ATP6V0D2: variants seen among roughly 807,000 people sequenced by gnomAD.
ATP6V0D2 encodes the protein ATPase H+ transporting V0 subunit d2.
In ATP6V0D2, 40 loss-of-function variants were observed where a neutral mutation model predicts 40.0. The ratio of observed to expected loss-of-function variants is 1.00; its 90% CI spans 0.78 to 1.30. The LOEUF (loss-of-function observed/expected upper bound fraction) is 1.30, where lower values mean the gene tolerates loss of function less well. Among genes scored for constraint, ATP6V0D2 ranks in the 50% most tolerant of loss-of-function variants. ATP6V0D2 has a pLI of 0.00. For missense variants in ATP6V0D2, 470 were observed against 423.1 expected (o/e 1.11, Z -0.97); for synonymous variants, 179 against 156.3 (o/e 1.15, Z -1.08).
Position 86,152,921 on chromosome 8 carries a change from G to C in ATP6V0D2, c.997G>C (p.Glu333Gln). The change falls in exon 8 of 8, where the codon GAA (glutamate) becomes CAA (glutamine). Residue 333 changes from glutamate (E) to glutamine (Q), a missense_variant. Coordinates refer to ENST00000285393, the MANE Select transcript of ATP6V0D2 (RefSeq NM_152565.1). The stretch of plus-strand genomic sequence containing the variant: ...AATTAGAAATATTGTGTGGATAGCA[G>C]AATGTATTTCACAGAGGCATCGAAC... ...QEIRNIVWIA[E>Q]CISQRHRTKI... The C allele has an allele frequency of 6.2e-7, 1 of 1,612,116 alleles. No homozygotes were observed. The highest frequency in any genetic ancestry group is 8.5e-7 in the Non-Finnish European group (1 of 1,179,180).
intron 5 of ATP6V0D2, among the ~76,000 whole-genome samples, chr8:86,143,502 C>A (rs1278756123): frequency 6.6e-6 from 1 of 152,166 alleles, no homozygotes; most frequent in Non-Finnish European, 1.5e-5. Flanking sequence ...TTATTCATGT[C>A]TCCCCTTTTT....
intron 2 of ATP6V0D2, among the ~76,000 whole-genome samples, chr8:86,120,170 G>A (rs556737277): frequency 5.9e-4 from 90 of 152,304 alleles, no homozygotes; most frequent in Admixed American, 1.4e-3. Flanking sequence ...GGCCAAGGTG[G>A]AAGGATCACT....
intron 3 of ATP6V0D2, 122 bp downstream of exon 3, chr8:86,139,757 C>A: frequency 9.4e-7 from 1 of 1,068,820 alleles, no homozygotes; most frequent in Non-Finnish European, 1.3e-6. Context: ...CAATTTTTTT[C>A]CATGAATACA....
intron 4 of ATP6V0D2, among the ~76,000 whole-genome samples, chr8:86,142,059 T>C (rs575487770): frequency 6.6e-6 from 1 of 152,296 alleles, no homozygotes; most frequent in East Asian, 1.9e-4. Context: ...ACCATTTGAG[T>C]AGCTGTATAT....
chr8:86,137,967 T>G (rs923336232), intron 2 of ATP6V0D2, among the ~76,000 whole-genome samples: 3 of 152,224 alleles, frequency 2.0e-5, no homozygotes, highest in African/African-American at 7.2e-5. Flanking sequence ...GGTGTTTGTT[T>G]ACCTTTTCTC....
intron 1 of ATP6V0D2, among the ~76,000 whole-genome samples, chr8:86,105,817 T>A (rs1345878233): frequency 6.6e-6 from 1 of 151,882 alleles, no homozygotes; most frequent in Non-Finnish European, 1.5e-5. Context: ...GGTTTCACCG[T>A]GTTAGCTTGG....
chr8:86,117,877 G>C (rs532876111), intron 2 of ATP6V0D2, among the ~76,000 whole-genome samples: 1 of 152,252 alleles, frequency 6.6e-6, no homozygotes, highest in South Asian at 2.1e-4. Context: ...TGCCATATAG[G>C]AAGGAGGAAG....
At chr8:86,151,602 TCTTA>T in intron 7 of ATP6V0D2, 62 bp downstream of exon 7, 1 of 1,386,254 alleles carries the variant, frequency 7.2e-7, no homozygotes, top group South Asian at 1.3e-5. Context: ...TTATATATTT[TCTTA>T]CTTTGGGTTT....
At chr8:86,108,605 C>T (rs530904772) in intron 1 of ATP6V0D2, among the ~76,000 whole-genome samples, 1 of 152,168 alleles carries the variant, frequency 6.6e-6, no homozygotes, top group African/African-American at 2.4e-5. Flanking sequence ...AGTCACTTCT[C>T]TTTATTTTTA....
At chr8:86,146,906 C>T (rs1443545209) in intron 5 of ATP6V0D2, among the ~76,000 whole-genome samples, 1 of 151,990 alleles carries the variant, frequency 6.6e-6, no homozygotes, top group African/African-American at 2.4e-5. Flanking sequence ...CAATTACTCT[C>T]ATTTGGCCAG....
At chr8:86,132,573 C>T (rs926490877) in intron 2 of ATP6V0D2, among the ~76,000 whole-genome samples, 1 of 152,114 alleles carries the variant, frequency 6.6e-6, no homozygotes, top group Non-Finnish European at 1.5e-5. Flanking sequence ...TGAGTGAGTG[C>T]ATATGATATT....
intron 2 of ATP6V0D2, among the ~76,000 whole-genome samples, chr8:86,131,215 G>C (rs965267106): frequency 7.9e-5 from 12 of 151,898 alleles, no homozygotes; most frequent in South Asian, 4.2e-4. Context: ...TGTGGGAGGT[G>C]GGGGGAACGA....
intron 2 of ATP6V0D2, among the ~76,000 whole-genome samples, chr8:86,123,391 A>T (rs978129821): frequency 6.6e-6 from 1 of 152,136 alleles, no homozygotes; most frequent in Non-Finnish European, 1.5e-5. Context: ...TTACTTTTTA[A>T]CTCCTGCTTC....
At chr8:86,152,715 CA>C (rs2129649580) in intron 7 of ATP6V0D2, 100 bp from the exon 8 acceptor site, 2 of 1,203,526 alleles carry the variant, frequency 1.7e-6, no homozygotes, top group Middle Eastern at 2.1e-4. Flanking sequence ...TGTTTAAACA[CA>C]AATAAGCACT....
At chr8:86,105,433 G>T (rs569706040) in intron 1 of ATP6V0D2, among the ~76,000 whole-genome samples, 102 of 151,712 alleles carry the variant, frequency 6.7e-4, no homozygotes, top group African/African-American at 2.3e-3. Context: ...TGAGTAGCTG[G>T]AACTACAGGC....
chr8:86,109,956 G>T (rs1179729705), intron 1 of ATP6V0D2, among the ~76,000 whole-genome samples: 2 of 151,984 alleles, frequency 1.3e-5, no homozygotes, highest in Non-Finnish European at 2.9e-5. Flanking sequence ...GATAAACATG[G>T]CATACCAAAC....
At chr8:86,136,427 A>G (rs1304444826) in intron 2 of ATP6V0D2, among the ~76,000 whole-genome samples, 3 of 152,106 alleles carry the variant, frequency 2.0e-5, no homozygotes, top group Non-Finnish European at 2.9e-5. Flanking sequence ...GTGGGGAACA[A>G]TTAAATGTCT....
intron 2 of ATP6V0D2, among the ~76,000 whole-genome samples, chr8:86,114,892 T>C (rs1818572620): frequency 1.3e-5 from 2 of 152,162 alleles, no homozygotes; most frequent in Non-Finnish European, 2.9e-5. Flanking sequence ...TTCTGAAGAC[T>C]AGGTCCAAGC....
chr8:86,139,014 C>T (rs2626335), intron 2 of ATP6V0D2, among the ~76,000 whole-genome samples: 67,798 of 152,050 alleles, frequency 0.45, 16,503 homozygotes, highest in Middle Eastern at 0.61. Flanking sequence ...GATCACTTGA[C>T]GTCAAGAGTT....
Sources: gnomAD v4.1 joint callset for allele counts (sites outside exome capture counted in the v4.1 genomes callset) on GRCh38, gnomAD v4.1.1 for gene constraint, MANE v1.5 for transcripts, NCBI Gene and HGNC (gene_info 2026-07-23, HGNC 2026-07-21) for gene names.